Variants in RAB3IP observed in about 807,000 individuals in gnomAD.
RAB3IP encodes rab-3A-interacting protein.
A neutral mutation model predicts 59.1 loss-of-function variants in RAB3IP; 36 were observed. The observed-to-expected ratio is 0.61, with a 90% confidence interval of 0.47 to 0.80. RAB3IP has a LOEUF of 0.80. RAB3IP is among the 30% of genes least tolerant of loss of function. The pLI is 0.00. For synonymous variants in RAB3IP, 207 were observed against 191.2 expected (o/e 1.08, Z -0.68); for missense variants, 511 against 536.0 (o/e 0.95, Z 0.46).
intron 3 of RAB3IP, among the ~76,000 whole-genome samples, chr12:69,775,910 G>A (rs1873847323): frequency 8.5e-6 from 1 of 117,480 alleles, no homozygotes; most frequent in South Asian, 3.1e-4. Flanking sequence ...TTTGGTATCA[G>A]AATGATGGTG....
intron 10 of RAB3IP, 114 bp downstream of exon 10, chr12:69,813,147 G>T: frequency 1.4e-6 from 1 of 713,320 alleles, no homozygotes; most frequent in South Asian, 2.1e-5. Flanking sequence ...TTTATTGTTG[G>T]TACATTTATA....
chr12:69,759,748 AC>A (rs1401475657), intron 3 of RAB3IP, among the ~76,000 whole-genome samples: 2 of 123,992 alleles, frequency 1.6e-5, no homozygotes, highest in Admixed American at 8.0e-5. Flanking sequence ...GCGGGGGCTG[AC>A]CCCCCACCTC....
In RAB3IP at chr12:69,818,780, T is replaced by A. The variant is rs1020939970; in HGVS notation, c.*3334T>A. 1 of 152,156 alleles carries A rather than the reference T, an allele frequency of 6.6e-6. No individual in the cohort carries two copies. Among genetic ancestry groups the A allele is most frequent in the Non-Finnish European group, 1.5e-5 (1 of 68,038 alleles). The allele number at this position is 152,156 out of a possible 1,614,324, so 9.4% of individuals were successfully genotyped here. A position where few individuals can be genotyped will look rare whatever the true frequency, so the allele number is the denominator to read the frequency against. ...GGCATTGACATATGTGACAAAACTT[T>A]TAAAAAGTAATAAAGTTCAAGATAG... On this transcript the variant is annotated 3_prime_UTR_variant, in exon 11 of 11. Coordinates refer to ENST00000247833, the MANE Select transcript of RAB3IP (RefSeq NM_022456.5).
chr12:69,759,813 G>A (rs34565292), intron 3 of RAB3IP, among the ~76,000 whole-genome samples: 55,623 of 150,330 alleles, frequency 0.37, 10,592 homozygotes, highest in East Asian at 0.63. Flanking sequence ...CCTCCCTCCC[G>A]GACGGGGCGG....
intron 1 of RAB3IP, among the ~76,000 whole-genome samples, chr12:69,752,143 A>G (rs945211760): frequency 4.0e-5 from 6 of 151,190 alleles, no homozygotes; most frequent in African/African-American, 1.2e-4. Flanking sequence ...GGTTAGGACT[A>G]TAGGCCTGCA....
intron 3 of RAB3IP, among the ~76,000 whole-genome samples, chr12:69,780,575 G>A (rs1321673564): frequency 6.6e-6 from 1 of 152,214 alleles, no homozygotes; most frequent in African/African-American, 2.4e-5. Context: ...TGGGACAAAG[G>A]CTGACAGGTC....
intron 4 of RAB3IP, among the ~76,000 whole-genome samples, chr12:69,787,251 A>G (rs1875834864): frequency 6.6e-6 from 1 of 152,204 alleles, no homozygotes; most frequent in Non-Finnish European, 1.5e-5. Context: ...AATAAACCTC[A>G]AAAGTTATGT....
chr12:69,740,034 T>C (rs1172136468), intron 1 of RAB3IP, among the ~76,000 whole-genome samples: 1 of 152,204 alleles, frequency 6.6e-6, no homozygotes, highest in Non-Finnish European at 1.5e-5. Context: ...TGTAATCTCT[T>C]GCAGTGGAAT....
At chr12:69,749,687 T>C (rs1214955637) in intron 1 of RAB3IP, among the ~76,000 whole-genome samples, 3 of 152,270 alleles carry the variant, frequency 2.0e-5, no homozygotes, top group South Asian at 2.1e-4. Context: ...TTTGTCTTTC[T>C]CATTTCTTGC....
Position 69,778,581 on chromosome 12 carries a change from A to G in RAB3IP, c.511-6139A>G, listed in dbSNP as rs1480737040. Among the ~76,000 whole-genome samples the G allele has an allele frequency of 3.7e-5, 3 of 80,410 alleles. No homozygotes were observed. In the East Asian group the frequency reaches 1.1e-3, roughly 30 times the overall value. 52.8% of individuals were successfully genotyped at this position (80,410 alleles called of 152,430 possible). ...TTGGTCTTTGATGATGGTGATGTAC[A>G]GATGGGTTTTCGGTGTAGATGTCCT... On this transcript the variant is annotated intron_variant, in intron 3 of 10. Transcript: ENST00000247833.
At position 69,820,508 on chromosome 12, in the gene RAB3IP, C is replaced by G. The variant is rs1135509; in HGVS notation, c.*5062C>G. 0.11 allele frequency: 16,025 copies of G among 146,446 alleles called. 1,184 individuals are homozygous for G. The highest frequency in any genetic ancestry group is 0.17 in the Middle Eastern group (49 of 280). 9.1% of individuals were successfully genotyped at this position (146,446 alleles called of 1,614,324 possible). On this transcript the variant is annotated 3_prime_UTR_variant, in exon 11 of 11. Transcript: ENST00000247833. ...TTATAAAACGAAAATCAGATAATGT[C>G]ACTTCCCTGCTTAAAGCCCTTTGAG...
At chr12:69,742,073 CA>C (rs969446249) in intron 1 of RAB3IP, among the ~76,000 whole-genome samples, 9 of 152,224 alleles carry the variant, frequency 5.9e-5, no homozygotes, top group African/African-American at 2.2e-4. Flanking sequence ...ATAAGTTCTT[CA>C]AAATGTAGAA....
chr12:69,741,180 A>G (rs1329439123), intron 1 of RAB3IP, among the ~76,000 whole-genome samples: 2 of 152,232 alleles, frequency 1.3e-5, no homozygotes, highest in East Asian at 3.8e-4. Flanking sequence ...GATTGTGTGC[A>G]AGGCACTGTG....
At chr12:69,808,712 G>A (rs1006006372) in intron 8 of RAB3IP, among the ~76,000 whole-genome samples, 63 of 152,152 alleles carry the variant, frequency 4.1e-4, no homozygotes, top group African/African-American at 1.5e-3. Context: ...TCCGAGACTA[G>A]GATTACAACC....
intron 4 of RAB3IP, among the ~76,000 whole-genome samples, chr12:69,786,982 A>C (rs1875779331): frequency 6.6e-6 from 1 of 152,206 alleles, no homozygotes; most frequent in African/African-American, 2.4e-5. Context: ...TGAATCGTGG[A>C]AAAAGCGCTC....
At chr12:69,772,216 A>G (rs974449940) in intron 3 of RAB3IP, among the ~76,000 whole-genome samples, 5 of 152,272 alleles carry the variant, frequency 3.3e-5, no homozygotes, top group Non-Finnish European at 7.4e-5. Context: ...TTTATCTAAT[A>G]TAAGTATAGG....
intron 4 of RAB3IP, among the ~76,000 whole-genome samples, chr12:69,789,077 AAAG>A (rs921412236): frequency 2.4e-4 from 37 of 152,222 alleles, no homozygotes; most frequent in Middle Eastern, 3.4e-3. Flanking sequence ...CTACATTAAA[AAAG>A]AAGAACAATC....
At chr12:69,803,905 A>C (rs1024196140) in intron 8 of RAB3IP, among the ~76,000 whole-genome samples, 3 of 152,136 alleles carry the variant, frequency 2.0e-5, no homozygotes, top group African/African-American at 7.2e-5. Context: ...TCATTGTTGG[A>C]CATTTGGGTT....
chr12:69,796,182 C>T, intron 6 of RAB3IP: 1 of 152,348 alleles, frequency 6.6e-6, no homozygotes, highest in East Asian at 1.9e-4. Context: ...TGCTTATAAT[C>T]CCAGCTACTC....
Sources: gnomAD v4.1 joint callset for allele counts (sites outside exome capture counted in the v4.1 genomes callset) on GRCh38, gnomAD v4.1.1 for gene constraint, MANE v1.5 for transcripts, NCBI Gene and HGNC (gene_info 2026-07-23, HGNC 2026-07-21) for gene names.